The following SDK1 variants were observed in gnomAD, a reference collection of about 807,000 sequenced individuals.
SDK1 encodes the protein protein sidekick-1.
Under a neutral mutation model 245.5 loss-of-function variants are expected in SDK1, and 157 were observed. The ratio of observed to expected loss-of-function variants is 0.64; its 90% CI spans 0.56 to 0.73. The LOEUF (loss-of-function observed/expected upper bound fraction) is 0.73, where lower values mean the gene tolerates loss of function less well. SDK1 is among the 30% of genes least tolerant of loss of function. SDK1 has a pLI of 0.00. For synonymous variants in SDK1, 1,647 were observed against 1,278.5 expected (o/e 1.29, Z -6.15); for missense variants, 3,583 against 3,002.3 (o/e 1.19, Z -4.52).
At chr7:3,568,285 T>C (rs1053327080) in intron 1 of SDK1, among the ~76,000 whole-genome samples, 3 of 152,228 alleles carry the variant, frequency 2.0e-5, no homozygotes, top group African/African-American at 7.2e-5. Context: ...TCAGCTACTT[T>C]AGGTAACTGA....
intron 4 of SDK1, among the ~76,000 whole-genome samples, chr7:3,669,526 AC>A (rs68065560): frequency 0.37 from 55,795 of 151,768 alleles, 11,213 homozygotes; most frequent in African/African-American, 0.53. Context: ...GAATTCAATA[AC>A]ACAACACACT....
chr7:3,562,248 A>G (rs1779773017), intron 1 of SDK1, among the ~76,000 whole-genome samples: 1 of 152,230 alleles, frequency 6.6e-6, no homozygotes, highest in South Asian at 2.1e-4. Context: ...TCCAAAAATA[A>G]CCTGCCATCA....
chr7:3,828,649 C>CTTTTTTTT (rs1170806116), intron 5 of SDK1, among the ~76,000 whole-genome samples: 1 of 28,732 alleles, frequency 3.5e-5, no homozygotes, highest in Non-Finnish European at 6.6e-5. Context: ...ATTTTTTGTT[C>CTTTTTTTT]TTTTTTTTTT....
At chr7:3,531,540 C>T (rs1187113050) in intron 1 of SDK1, among the ~76,000 whole-genome samples, 1 of 152,134 alleles carries the variant, frequency 6.6e-6, no homozygotes, top group Non-Finnish European at 1.5e-5. Context: ...TTGGTTAGAA[C>T]ATAGTGTGTA....
At chr7:3,891,451 C>T (rs1186344913) in intron 5 of SDK1, among the ~76,000 whole-genome samples, 1 of 152,158 alleles carries the variant, frequency 6.6e-6, no homozygotes, top group African/African-American at 2.4e-5. Flanking sequence ...TGCCGAGGAT[C>T]GTTTTAGATC....
At chr7:4,088,202 T>G (rs897155171) in intron 22 of SDK1, among the ~76,000 whole-genome samples, 7 of 152,232 alleles carry the variant, frequency 4.6e-5, no homozygotes, top group Non-Finnish European at 1.0e-4. Context: ...CTTTGGGAAT[T>G]CTCTTGTTAG....
At chr7:3,523,440 G>A (rs150829921) in intron 1 of SDK1, among the ~76,000 whole-genome samples, 1,892 of 152,150 alleles carry the variant, frequency 0.012, 33 homozygotes, top group South Asian at 0.068. Context: ...TATTAACACA[G>A]GGTAAGTTAC....
rs962924748 is a variant in SDK1, at chr7:3,905,632, GT to G, written c.848-45281del. Among the ~76,000 whole-genome samples, 11 of 147,896 alleles carry G rather than the reference GT, an allele frequency of 7.4e-5. No homozygotes were observed. The South Asian group carries it at 1.9e-3, about 26-fold the overall frequency. On this transcript the variant is annotated intron_variant, in intron 5 of 44. Coordinates refer to ENST00000404826, the MANE Select transcript of SDK1 (RefSeq NM_152744.4). The stretch of plus-strand genomic sequence containing the variant: ...AATCATGTCCTTTATCAATTCCAAA[GT>G]TTTTTTTTTAGAGGAACGTTCTTGC...
intron 1 of SDK1, among the ~76,000 whole-genome samples, chr7:3,449,012 C>G (rs902115063): frequency 1.3e-5 from 2 of 152,168 alleles, no homozygotes; most frequent in African/African-American, 4.8e-5. Flanking sequence ...GGGATATTTA[C>G]TCATTTCTTC....
intron 5 of SDK1, among the ~76,000 whole-genome samples, chr7:3,909,128 A>AAGTATCTTGGCATAAGTC (rs1159267833): frequency 6.6e-6 from 1 of 152,168 alleles, no homozygotes; most frequent in Non-Finnish European, 1.5e-5. Flanking sequence ...AATAAATAGG[A>AAGTATCTTGGCATAAGTC]AGTATCTTGG....
chr7:3,557,361 C>A (rs1019063503), intron 1 of SDK1, among the ~76,000 whole-genome samples: 2 of 152,160 alleles, frequency 1.3e-5, no homozygotes, highest in African/African-American at 2.4e-5. Flanking sequence ...TTGTCAAAAA[C>A]TGCAAACTAA....
chr7:4,106,649 G>T (rs116487048), intron 22 of SDK1, among the ~76,000 whole-genome samples: 2 of 152,154 alleles, frequency 1.3e-5, no homozygotes, highest in African/African-American at 4.8e-5. Context: ...AGAGGGAGCC[G>T]CACGCCCGGC....
intron 5 of SDK1, among the ~76,000 whole-genome samples, chr7:3,840,033 G>A (rs1369201431): frequency 1.3e-5 from 2 of 152,108 alleles, no homozygotes; most frequent in South Asian, 2.1e-4. Flanking sequence ...AAATCAAAGT[G>A]GTCTCTGGGT....
In SDK1 at chr7:4,265,773, T is replaced by G; in HGVS notation, c.*389T>G. The G allele has an allele frequency of 9.8e-7, 1 of 1,016,448 alleles. No individual in the cohort carries two copies. The highest frequency in any genetic ancestry group is 1.7e-5 in the African/African-American group (1 of 58,326). 63.0% of individuals were successfully genotyped at this position (1,016,448 alleles called of 1,614,324 possible). Reference sequence around the variant, plus strand: ...GGAGGGTCAGGTGAGATCTCAGAGCTGCCCCGGCCGGCCCCCGTCTCTTTC... The same window carrying G: ...GGAGGGTCAGGTGAGATCTCAGAGCGGCCCCGGCCGGCCCCCGTCTCTTTC... On this transcript the variant is annotated 3_prime_UTR_variant, in exon 45 of 45. Coordinates refer to ENST00000404826, the MANE Select transcript of SDK1 (RefSeq NM_152744.4).
rs779637069 is a variant in SDK1 at position 4,012,073 on chromosome 7, C to G, written c.2280-22C>G. The G allele has an allele frequency of 1.4e-5, 20 of 1,480,658 alleles. No individual in the cohort carries two copies. In the South Asian group the frequency reaches 1.6e-4, roughly 12 times the overall value. 91.7% of individuals were successfully genotyped at this position (1,480,658 alleles called of 1,614,324 possible). On this transcript the variant is annotated intron_variant, in intron 15 of 44. Coordinates refer to ENST00000404826, the MANE Select transcript of SDK1 (RefSeq NM_152744.4). ...GTTTCTGGTACTCATCTCTCTTGTT[C>G]CTACCCGTCTTTTATTTATAGGTTG... is the stretch of plus-strand genomic sequence containing the variant.
At chr7:4,109,756 G>A (rs2128190200) in intron 22 of SDK1, among the ~76,000 whole-genome samples, 1 of 152,310 alleles carries the variant, frequency 6.6e-6, no homozygotes, top group African/African-American at 2.4e-5. Flanking sequence ...GAGGGACGTG[G>A]TCAGCTTGGG....
At chr7:3,516,073 G>A (rs1325975304) in intron 1 of SDK1, among the ~76,000 whole-genome samples, 2 of 149,642 alleles carry the variant, frequency 1.3e-5, no homozygotes, top group African/African-American at 4.9e-5. Context: ...TAAGAAAATT[G>A]TAGAACTCAC....
At chr7:3,364,759 G>T (rs895455483) in intron 1 of SDK1, among the ~76,000 whole-genome samples, 1 of 151,982 alleles carries the variant, frequency 6.6e-6, no homozygotes, top group Non-Finnish European at 1.5e-5. Context: ...GGTTATTCTA[G>T]TTCCTTTGTC....
intron 4 of SDK1, among the ~76,000 whole-genome samples, chr7:3,734,595 G>T (rs994747452): frequency 2.0e-5 from 3 of 152,198 alleles, no homozygotes; most frequent in African/African-American, 7.2e-5. Flanking sequence ...ACCATCTGCA[G>T]CTTAAATAAT....
Sources: allele counts gnomAD v4.1 joint callset (sites outside exome capture counted in the v4.1 genomes callset), GRCh38; gene constraint gnomAD v4.1.1; transcripts MANE v1.5; gene names NCBI Gene and HGNC (gene_info 2026-07-23, HGNC 2026-07-21).